Variants in SYT12 observed in about 807,000 individuals in gnomAD.
The protein encoded by SYT12 is synaptotagmin-12.
SYT12 carries 27 observed loss-of-function variants against 39.5 expected under a neutral mutation model. That is an observed-to-expected ratio of 0.68 (90% CI 0.50 to 0.94). The LOEUF is 0.94. SYT12 is among the 40% of genes least tolerant of loss of function. The pLI, the probability that SYT12 is intolerant of heterozygous loss-of-function variation, is 0.00. For synonymous variants in SYT12, 233 were observed against 239.7 expected, an observed-to-expected ratio of 0.97 and a Z score of 0.26; for missense variants, 536 against 572.6, an observed-to-expected ratio of 0.94 and a Z score of 0.65.
chr11:67,016,229 C>G (rs1487281272), intron 3 of SYT12, among the ~76,000 whole-genome samples: 2 of 152,044 alleles, frequency 1.3e-5, no homozygotes, highest in African/African-American at 2.4e-5. Context: ...TGCAGTGAGC[C>G]GAGATCGCAC....
In SYT12 at chr11:67,045,848, A is replaced by G; in HGVS notation, c.1063A>G (p.Ile355Val). 6.2e-7 allele frequency: 1 copy of G among 1,613,380 alleles called. No individual in the cohort carries two copies. The highest frequency in any genetic ancestry group is 8.5e-7 in the Non-Finnish European group (1 of 1,179,778). The change falls in exon 7 of 8, where the codon ATC becomes GTC. Residue 355 changes from isoleucine to valine, a missense_variant. Ile to Val is a conservative substitution (Grantham distance 29, BLOSUM62 3). Transcript: ENST00000527043. ...CAACCCGGTGTTCAACGAAGCCATG[A>G]TCTTCTCGGTGCCAGCCATTGTGCT... ...DPNPVFNEAM[I>V]FSVPAIVLQD...
At chr11:67,029,162 A>T (rs1183301746) in intron 1 of SYT12, 1 of 152,256 alleles carries the variant, frequency 6.6e-6, no homozygotes, top group Non-Finnish European at 1.5e-5. Flanking sequence ...AGGTTCAGGT[A>T]ATGGGTTGTA....
intron 1 of SYT12, among the ~76,000 whole-genome samples, chr11:67,007,906 TTCATTTTTGACAAG>T (rs897796666): frequency 4.6e-5 from 7 of 151,894 alleles, no homozygotes; most frequent in African/African-American, 1.7e-4. Context: ...TTTTTTCCTT[TTCATTTTTGACAAG>T]GAGCACTTCC....
Position 67,045,876 on chromosome 11 carries a change from A to T in SYT12, c.1091A>T (p.Gln364Leu). 1.2e-6 allele frequency: 2 copies of T among 1,612,722 alleles called. No homozygotes were observed. Among genetic ancestry groups the T allele is most frequent in the Non-Finnish European group, 1.7e-6 (2 of 1,179,410 alleles). Residue 364 changes from glutamine (Q) to leucine (L), a missense_variant and splice_region_variant, in exon 7 of 8, where the codon CAG becomes CTG. By Grantham distance (113) the Gln-to-Leu change is moderately radical. Coordinates refer to ENST00000527043, the MANE Select transcript of SYT12 (RefSeq NM_177963.4). The part of the protein sequence containing the change: ...MIFSVPAIVL[Q>L]DLSLRVTVAE... ...TTCTCGGTGCCAGCCATTGTGCTCC[A>T]GGTGAGGGGGGCTGGGGGATGGGAA...
At chr11:67,007,061 C>CGGGAGTGGGCCGCATGGTGA (rs1449081959) in exon 1 of SYT12, 2 of 152,220 alleles carry the variant, frequency 1.3e-5, no homozygotes, top group Non-Finnish European at 2.9e-5. Context: ...GAGCAAGTTA[C>CGGGAGTGGGCCGCATGGTGA]GGGAGTGGGC....
chr11:67,033,880 A>T lies in SYT12; in HGVS notation c.35-765A>T, dbSNP rs1324381328. Among the ~76,000 whole-genome samples the T allele has an allele frequency of 3.3e-5, 5 of 152,130 alleles. No individual in the cohort carries two copies. In the East Asian group the frequency reaches 9.6e-4, roughly 29 times the overall value. ...GTGCTGGGGAGGACTCGCCTGCCAC[A>T]GTTGAGGAGGTTGTTAATTTCCGTT... On this transcript the variant is annotated intron_variant, in intron 2 of 7. Transcript: ENST00000527043.
rs1197788175 is a variant in SYT12 at position 67,049,374 on chromosome 11, A to AG, written c.*619dup. 1 of 152,240 alleles carries AG rather than the reference A, an allele frequency of 6.6e-6. No homozygotes were observed. Among genetic ancestry groups the AG allele is most frequent in the Non-Finnish European group, 1.5e-5 (1 of 68,070 alleles). The allele number at this position is 152,240 out of a possible 1,614,324, so 9.4% of individuals were successfully genotyped here. A position where few individuals can be genotyped will look rare whatever the true frequency, so the allele number is the denominator to read the frequency against. ...TTCTCAGCCCACTGCAGTGGATACA[A>AG]GGAAGGGCCTTTCTCGGGGCCGGAG... On this transcript the variant is annotated 3_prime_UTR_variant, in exon 8 of 8. Transcript: ENST00000527043.
At chr11:67,028,072 T>C (rs781034013) in intron 1 of SYT12, 1 of 152,236 alleles carries the variant, frequency 6.6e-6, no homozygotes, top group East Asian at 1.9e-4. Flanking sequence ...ATGGAGCCAG[T>C]TGGCCTGGGT....
intron 2 of SYT12, among the ~76,000 whole-genome samples, chr11:67,010,508 C>T (rs1223259445): frequency 6.6e-6 from 1 of 152,236 alleles, no homozygotes; most frequent in African/African-American, 2.4e-5. Flanking sequence ...TCCCTGGGCT[C>T]TGTGCCCAAC....
rs758941491 is a variant in SYT12 at position 67,043,779 on chromosome 11, G to A, written c.763G>A (p.Glu255Lys). ...DERNVSTGVV[E>K]LKLSVLDLPL... Reference sequence around the variant, plus strand: ...GCGCAACGTCAGCACGGGGGTGGTGGAGCTGAAGCTTTCTGTGCTTGACCT... The same window carrying A: ...GCGCAACGTCAGCACGGGGGTGGTGAAGCTGAAGCTTTCTGTGCTTGACCT... Residue 255 changes from glutamate to lysine, a missense_variant, in exon 5 of 8, where the codon GAG becomes AAG. Coordinates refer to ENST00000527043, the MANE Select transcript of SYT12 (RefSeq NM_177963.4). 7 of 1,614,016 alleles carry A rather than the reference G, an allele frequency of 4.3e-6. No individual in the cohort carries two copies. The highest frequency in any genetic ancestry group is 5.9e-6 in the Non-Finnish European group (7 of 1,180,052).
intron 3 of SYT12, among the ~76,000 whole-genome samples, chr11:67,035,837 C>CCTTTCTTTCTTTCTTTCTTTCTTTCTTT (rs1157424282): frequency 3.6e-5 from 4 of 111,144 alleles, no homozygotes; most frequent in African/African-American, 1.3e-4. Flanking sequence ...TTCCTTCCTT[C>CCTTTCTTTCTTTCTTTCTTTCTTTCTTT]CTTTCTTTCT....
chr11:67,007,662 T>C (rs1949981911), intron 1 of SYT12, among the ~76,000 whole-genome samples: 2 of 152,084 alleles, frequency 1.3e-5, no homozygotes, highest in Non-Finnish European at 2.9e-5. Context: ...CCTCCCGGGT[T>C]CAAGCGATTC....
Position 67,043,866 on chromosome 11 carries a change from C to T in SYT12, c.837+13C>T, listed in dbSNP as rs1950561358. ...GGACCAGAACAAGGTAAGTGACTTG[C>T]CTGCTCGTCCACCTCGGAAGAGCGT... On this transcript the variant is annotated intron_variant, in intron 5 of 7. Coordinates refer to ENST00000527043, the MANE Select transcript of SYT12 (RefSeq NM_177963.4). The T allele has an allele frequency of 1.9e-6, 3 of 1,613,008 alleles. No homozygotes were observed. The highest frequency in any genetic ancestry group is 2.5e-6 in the Non-Finnish European group (3 of 1,179,406).
intron 4 of SYT12, among the ~76,000 whole-genome samples, chr11:67,040,779 A>G (rs1162595104): frequency 1.3e-5 from 2 of 152,046 alleles, no homozygotes; most frequent in African/African-American, 2.4e-5. Flanking sequence ...CAGAGCTTGC[A>G]GTGAGCCGAG....
chr11:67,040,303 G>A (rs1950485688), intron 4 of SYT12, 100 bp downstream of exon 4: 3 of 1,462,976 alleles, frequency 2.1e-6, no homozygotes, highest in Non-Finnish European at 2.8e-6. Flanking sequence ...CAGAAAGGCA[G>A]TAGAGTGCAA....
upstream of SYT12, among the ~76,000 whole-genome samples, chr11:67,018,258 T>C (rs1370317366): frequency 1.3e-5 from 2 of 151,096 alleles, no homozygotes; most frequent in Non-Finnish European, 3.0e-5. Flanking sequence ...AGCGAAACTC[T>C]GTCTCAAAAA....
rs1168005453 is a variant in SYT12 at position 67,047,268 on chromosome 11, AT to A, written c.1093-1298del. 6.9e-3 allele frequency among the ~76,000 whole-genome samples: 903 copies of A among 129,992 alleles called. 7 individuals carry two copies. Among genetic ancestry groups the A allele is most frequent in the African/African-American group, 0.017 (582 of 34,446 alleles). 85.3% of individuals were successfully genotyped at this position (129,992 alleles called of 152,430 possible). ...GTGTGAGCCACTGTGCCCACCCCCA[AT>A]TTTTTTTTTTTTTTTTTGAGACAGA... is the stretch of plus-strand genomic sequence containing the variant. On this transcript the variant is annotated intron_variant, in intron 7 of 7. Transcript: ENST00000527043.
At chr11:67,024,718 G>A (rs1193112150) in intron 1 of SYT12, among the ~76,000 whole-genome samples, 1 of 152,214 alleles carries the variant, frequency 6.6e-6, no homozygotes, top group Admixed American at 6.5e-5. Context: ...ATGGCAGCAG[G>A]ATGTGGTTAT....
chr11:67,035,810 C>CTTCT (rs1950360187), intron 3 of SYT12, among the ~76,000 whole-genome samples: 1 of 68,814 alleles, frequency 1.5e-5, no homozygotes, highest in East Asian at 4.3e-4. Flanking sequence ...TCCTTCCTTC[C>CTTCT]TTCCTTCCTT....
Sources: gnomAD v4.1 joint callset for allele counts (sites outside exome capture counted in the v4.1 genomes callset) on GRCh38, gnomAD v4.1.1 for gene constraint, MANE v1.5 for transcripts, NCBI Gene and HGNC (gene_info 2026-07-23, HGNC 2026-07-21) for gene names.